Variants in DAB1 observed in about 807,000 individuals in gnomAD.
DAB1 encodes the protein DAB adaptor protein 1.
Under a neutral mutation model 64.6 loss-of-function variants are expected in DAB1, and 15 were observed. The ratio of observed to expected loss-of-function variants is 0.23; its 90% CI spans 0.16 to 0.36. The LOEUF is 0.36. Among genes scored for constraint, DAB1 ranks in the 10% least tolerant of loss-of-function variants. The pLI, the probability that DAB1 is intolerant of heterozygous loss-of-function variation, is 1.00. For missense variants in DAB1, 596 were observed against 706.7 expected (o/e 0.84, Z 1.78); for synonymous variants, 235 against 251.9 (o/e 0.93, Z 0.64).
intron 5 of DAB1, among the ~76,000 whole-genome samples, chr1:58,111,637 T>G (rs1441309578): frequency 1.3e-5 from 2 of 152,188 alleles, no homozygotes; most frequent in African/African-American, 4.8e-5. Context: ...TCTTTTTCTT[T>G]GTACCACAGT....
chr1:57,105,669 C>T (rs1208011920), intron 4 of DAB1, among the ~76,000 whole-genome samples: 5 of 152,028 alleles, frequency 3.3e-5, no homozygotes, highest in African/African-American at 4.8e-5. Context: ...TTTTCTTCTT[C>T]CTCTAATCTA....
At chr1:57,941,467 T>A (rs894252262) in intron 5 of DAB1, among the ~76,000 whole-genome samples, 2 of 152,228 alleles carry the variant, frequency 1.3e-5, no homozygotes, top group Non-Finnish European at 2.9e-5. Context: ...TTAAATGAGA[T>A]CATGAATGTG....
intron 4 of DAB1, among the ~76,000 whole-genome samples, chr1:57,109,318 T>G (rs12072428): frequency 0.019 from 2,963 of 152,284 alleles, 103 homozygotes; most frequent in African/African-American, 0.067. Flanking sequence ...ACCCAATTTA[T>G]GACATGAGTT....
intron 1 of DAB1, chr1:57,864,577 C>T (rs1460101135): frequency 1.3e-5 from 2 of 151,894 alleles, no homozygotes; most frequent in East Asian, 3.9e-4. Flanking sequence ...TGTGAAGACT[C>T]CAGCAGTATG....
intron 3 of DAB1, among the ~76,000 whole-genome samples, chr1:58,359,217 G>A (rs1644140672): frequency 6.6e-6 from 1 of 152,152 alleles, no homozygotes. Flanking sequence ...ACCTGTGAAG[G>A]AAGTCAGAAA....
At chr1:57,751,538 T>C (rs893359179) in intron 6 of DAB1, among the ~76,000 whole-genome samples, 1 of 152,114 alleles carries the variant, frequency 6.6e-6, no homozygotes, top group Admixed American at 6.6e-5. Flanking sequence ...GGAGACTTGG[T>C]GACTTTTAAC....
rs75547298 is a variant in DAB1 at position 58,084,268 on chromosome 1, T to C, written n.387+66243A>G. 4.1e-3 allele frequency among the ~76,000 whole-genome samples: 621 copies of C among 152,154 alleles called. 4 individuals carry two copies. Among genetic ancestry groups the C allele is most frequent in the African/African-American group, 0.014 (599 of 41,498 alleles). ...TCAGTAAATGGCAGTCTTATTATTG[T>C]TGTTATTGTCTGTTTGCTTTAGCAT... On this transcript the variant is annotated intron_variant and non_coding_transcript_variant, in intron 5 of 20. Coordinates refer to the DAB1 transcript ENST00000485760.
intron 1 of DAB1, among the ~76,000 whole-genome samples, chr1:57,357,751 C>A (rs568193976): frequency 1.3e-5 from 2 of 151,702 alleles, no homozygotes; most frequent in Admixed American, 1.3e-4. Flanking sequence ...TCTCACGTGG[C>A]GGCAGGAGAG....
intron 4 of DAB1, among the ~76,000 whole-genome samples, chr1:58,205,052 A>T (rs1658193457): frequency 6.6e-6 from 1 of 152,190 alleles, no homozygotes; most frequent in Admixed American, 6.5e-5. Flanking sequence ...GAGGTAACTG[A>T]GGTCAAAATG....
At chr1:58,392,098 C>T (rs1644480624) in intron 3 of DAB1, among the ~76,000 whole-genome samples, 1 of 152,162 alleles carries the variant, frequency 6.6e-6, no homozygotes, top group East Asian at 1.9e-4. Context: ...GTTGCTGCTG[C>T]ATCAGATTAT....
At chr1:57,441,746 G>T (rs963872277) in intron 7 of DAB1, among the ~76,000 whole-genome samples, 1 of 152,178 alleles carries the variant, frequency 6.6e-6, no homozygotes, top group African/African-American at 2.4e-5. Context: ...ATAGTGATGA[G>T]CATATGAGTG....
At chr1:57,396,227 G>T (rs554978597) in intron 1 of DAB1, among the ~76,000 whole-genome samples, 1 of 152,330 alleles carries the variant, frequency 6.6e-6, no homozygotes, top group Admixed American at 6.5e-5. Flanking sequence ...ACACTCTGCT[G>T]AAAACATTAG....
chr1:57,742,111 T>C (rs1052552538), intron 6 of DAB1, among the ~76,000 whole-genome samples: 6 of 152,262 alleles, frequency 3.9e-5, no homozygotes, highest in Middle Eastern at 6.8e-3. Flanking sequence ...TTGCCTTATA[T>C]GACCCTTAGA....
chr1:57,396,789 G>A (rs1488569596), intron 1 of DAB1, among the ~76,000 whole-genome samples: 3 of 152,120 alleles, frequency 2.0e-5, no homozygotes, highest in Non-Finnish European at 1.5e-5. Flanking sequence ...CTGACTATAA[G>A]AACTTGTTAG....
intron 1 of DAB1, among the ~76,000 whole-genome samples, chr1:57,320,852 T>A (rs1675655201): frequency 6.6e-6 from 1 of 152,190 alleles, no homozygotes; most frequent in Non-Finnish European, 1.5e-5. Context: ...CAAGGCTTAC[T>A]GAGACTAAAT....
At chr1:57,421,678 G>T (rs1684897538) in intron 1 of DAB1, among the ~76,000 whole-genome samples, 1 of 151,930 alleles carries the variant, frequency 6.6e-6, no homozygotes, top group Non-Finnish European at 1.5e-5. Context: ...GAACAATAGC[G>T]CTTCAAAAGA....
At chr1:57,871,612 T>A (rs1183566539) in intron 1 of DAB1, among the ~76,000 whole-genome samples, 1 of 152,162 alleles carries the variant, frequency 6.6e-6, no homozygotes, top group African/African-American at 2.4e-5. Flanking sequence ...GGACTCCACC[T>A]CTAACCCTTC....
chr1:58,114,408 G>A (rs1311209743), intron 5 of DAB1, among the ~76,000 whole-genome samples: 1 of 152,150 alleles, frequency 6.6e-6, no homozygotes, highest in Non-Finnish European at 1.5e-5. Flanking sequence ...AAAAAATGTT[G>A]GCAATGACCC....
At chr1:57,334,648 C>CAA (rs1477095033) in intron 1 of DAB1, among the ~76,000 whole-genome samples, 2 of 152,216 alleles carry the variant, frequency 1.3e-5, no homozygotes, top group Non-Finnish European at 1.5e-5. Context: ...GACATAATTA[C>CAA]AAACATAAAC....
Sources: gnomAD v4.1 joint callset for allele counts (sites outside exome capture counted in the v4.1 genomes callset) on GRCh38, gnomAD v4.1.1 for gene constraint, MANE v1.5 for transcripts, NCBI Gene and HGNC (gene_info 2026-07-23, HGNC 2026-07-21) for gene names.